Variants in OCA2 observed in about 807,000 individuals in gnomAD.
The protein encoded by OCA2 is OCA2 melanosomal transmembrane protein.
Under a neutral mutation model 100.2 loss-of-function variants are expected in OCA2, and 77 were observed. That is an observed-to-expected ratio of 0.77 (90% confidence interval 0.64 to 0.93). The LOEUF (loss-of-function observed/expected upper bound fraction) is 0.93, where lower values mean the gene tolerates loss of function less well. Among genes scored for constraint, OCA2 ranks in the 40% least tolerant of loss-of-function variants. The pLI is 0.00. For missense variants in OCA2, 1,062 were observed against 1,089.1 expected (o/e 0.98, Z 0.35); for synonymous variants, 432 against 439.2 (o/e 0.98, Z 0.21).
At chr15:27,903,808 T>C (rs1035196570) in intron 19 of OCA2, among the ~76,000 whole-genome samples, 2 of 152,260 alleles carry the variant, frequency 1.3e-5, no homozygotes, top group Non-Finnish European at 2.9e-5. Flanking sequence ...GCATAGCATT[T>C]CTTACCTATA....
At chr15:27,746,009 C>A in the OCA2 span, among the ~76,000 whole-genome samples, 2 of 152,200 alleles carry the variant, frequency 1.3e-5, no homozygotes, top group Non-Finnish European at 2.9e-5. Flanking sequence ...TTCTGCCCCC[C>A]TAAAATGTAT....
chr15:27,897,628 C>A (rs945775581), intron 19 of OCA2, among the ~76,000 whole-genome samples: 1 of 152,202 alleles, frequency 6.6e-6, no homozygotes, highest in Non-Finnish European at 1.5e-5. Context: ...AGGGGCGGGG[C>A]CTTCATGAAG....
At chr15:27,864,750 T>C (rs2151467632) in intron 21 of OCA2, among the ~76,000 whole-genome samples, 1 of 152,248 alleles carries the variant, frequency 6.6e-6, no homozygotes, top group East Asian at 1.9e-4. Context: ...ATCTTTTAAC[T>C]TGAAAGTTGC....
At chr15:28,058,114 C>A (rs1341404842) in intron 2 of OCA2, among the ~76,000 whole-genome samples, 1 of 152,230 alleles carries the variant, frequency 6.6e-6, no homozygotes, top group Non-Finnish European at 1.5e-5. Flanking sequence ...GGCCTGGGAA[C>A]TGACCCTCAA....
chr15:27,996,224 C>T (rs190849635), intron 9 of OCA2, among the ~76,000 whole-genome samples: 263 of 152,198 alleles, frequency 1.7e-3, no homozygotes, highest in African/African-American at 6.1e-3. Context: ...TGGGACACAG[C>T]AAAAGCAGTT....
intron 1 of OCA2, among the ~76,000 whole-genome samples, chr15:28,091,852 A>G (rs2044875611): frequency 6.6e-6 from 1 of 152,182 alleles, no homozygotes; most frequent in African/African-American, 2.4e-5. Context: ...GCTACTTGGG[A>G]GGCTGAAGCA....
chr15:27,766,033 T>C (rs1219064364), intron 23 of OCA2, among the ~76,000 whole-genome samples: 1 of 152,160 alleles, frequency 6.6e-6, no homozygotes, highest in Non-Finnish European at 1.5e-5. Flanking sequence ...CTATTTAAGA[T>C]GGAGTCGCTC....
chr15:28,094,530 TAGAA>T (rs1465200819), intron 1 of OCA2, among the ~76,000 whole-genome samples: 3 of 151,756 alleles, frequency 2.0e-5, no homozygotes, highest in Non-Finnish European at 4.4e-5. Context: ...CACCAAATTT[TAGAA>T]AGAAAAAATA....
rs992281288 is a variant in OCA2, at chr15:27,835,468, G to A, written c.2432+9491C>T. On this transcript the variant is annotated intron_variant, in intron 23 of 23. Coordinates refer to ENST00000354638, the MANE Select transcript of OCA2 (RefSeq NM_000275.3). ...AGACATAAGTGAGCAGCCTCCAGAT[G>A]ATTCTGGCCTTGGCCTCTGCCAGCT... is the stretch of plus-strand genomic sequence containing the variant. 2.0e-5 allele frequency among the ~76,000 whole-genome samples: 3 copies of A among 152,358 alleles called. No individual in the cohort carries two copies. In the South Asian group the frequency reaches 6.2e-4, roughly 32 times the overall value.
chr15:27,915,784 T>C (rs937431977), intron 19 of OCA2, among the ~76,000 whole-genome samples: 4 of 152,178 alleles, frequency 2.6e-5, no homozygotes, highest in Non-Finnish European at 4.4e-5. Context: ...GTTCAGCCAA[T>C]GTGGAGAGCA....
At chr15:27,952,022 G>GA in intron 17 of OCA2, 130 bp from the exon 18 acceptor site, 3 of 736,636 alleles carry the variant, frequency 4.1e-6, no homozygotes, top group Non-Finnish European at 7.4e-6. Flanking sequence ...GAACTTGAAA[G>GA]AAAATGGCAA....
At chr15:28,011,774 C>T (rs1264233733) in intron 9 of OCA2, among the ~76,000 whole-genome samples, 1 of 151,740 alleles carries the variant, frequency 6.6e-6, no homozygotes, top group Non-Finnish European at 1.5e-5. Context: ...AAAAATTAGT[C>T]AGGTGTGGTG....
the OCA2 span, among the ~76,000 whole-genome samples, chr15:27,746,460 T>TA: frequency 1.2e-5 from 1 of 84,084 alleles, no homozygotes; most frequent in Non-Finnish European, 2.4e-5. Context: ...GACTCTGTAT[T>TA]AAAAAATAAA....
intron 2 of OCA2, among the ~76,000 whole-genome samples, chr15:28,047,023 G>A (rs981505421): frequency 1.3e-4 from 20 of 152,118 alleles, no homozygotes; most frequent in Admixed American, 9.8e-4. Context: ...TCCCCTCTCC[G>A]AAAAAAATTT....
At chr15:28,006,288 C>T (rs1461889165) in intron 9 of OCA2, among the ~76,000 whole-genome samples, 1 of 152,206 alleles carries the variant, frequency 6.6e-6, no homozygotes, top group African/African-American at 2.4e-5. Context: ...TTGGATCTGG[C>T]TTCGAACAAC....
the OCA2 span, among the ~76,000 whole-genome samples, chr15:27,734,705 C>T: frequency 6.6e-6 from 1 of 152,228 alleles, no homozygotes; most frequent in Non-Finnish European, 1.5e-5. Context: ...ACAGCCATTG[C>T]AGCCTTAGGC....
Position 27,815,565 on chromosome 15 carries a change from A to G in OCA2, c.2432+29394T>C, listed in dbSNP as rs566962345. On this transcript the variant is annotated intron_variant, in intron 23 of 23. Transcript: ENST00000354638. ...TTTGGCAATATCTAGCCAATTAAATAGCCAAGAACCCCTACACTAGCAATT... is the reference window on the plus strand; with the variant it reads ...TTTGGCAATATCTAGCCAATTAAATGGCCAAGAACCCCTACACTAGCAATT... 4.6e-5 allele frequency among the ~76,000 whole-genome samples: 7 copies of G among 152,322 alleles called. No individual in the cohort carries two copies. In the South Asian group the frequency reaches 1.2e-3, roughly 27 times the overall value.
At chr15:28,022,358 A>G in intron 6 of OCA2, 143 bp downstream of exon 6, 1 of 699,280 alleles carries the variant, frequency 1.4e-6, no homozygotes, top group East Asian at 2.7e-5. Context: ...TCCATCTCTC[A>G]TCAGACATCC....
chr15:27,802,574 T>C (rs1380502441), intron 23 of OCA2, among the ~76,000 whole-genome samples: 1 of 152,160 alleles, frequency 6.6e-6, no homozygotes, highest in African/African-American at 2.4e-5. Flanking sequence ...AAAGCTACAG[T>C]AATGAAACAG....
Sources: gnomAD v4.1 joint callset for allele counts (sites outside exome capture counted in the v4.1 genomes callset) on GRCh38, gnomAD v4.1.1 for gene constraint, MANE v1.5 for transcripts, NCBI Gene and HGNC (gene_info 2026-07-23, HGNC 2026-07-21) for gene names.